IBSP: variants seen among roughly 807,000 people sequenced by gnomAD.
IBSP encodes the protein integrin-binding sialoprotein.
Under a neutral mutation model 25.5 loss-of-function variants are expected in IBSP, and 19 were observed. The observed-to-expected ratio is 0.74, with a 90% CI of 0.52 to 1.09. The LOEUF (loss-of-function observed/expected upper bound fraction) is 1.09. IBSP is among the 50% of genes least tolerant of loss of function. The pLI is 0.00. For synonymous variants in IBSP, 144 were observed against 137.6 expected, an observed-to-expected ratio of 1.05 and a Z score of -0.33; for missense variants, 360 against 382.3, an observed-to-expected ratio of 0.94 and a Z score of 0.49.
chr4:87,811,219 C>T, intron 6 of IBSP, 143 bp from the exon 7 acceptor site: 1 of 901,248 alleles, frequency 1.1e-6, no homozygotes, highest in Non-Finnish European at 1.6e-6. Flanking sequence ...TTAAAGCCCC[C>T]AATCATTTTG....
intron 4 of IBSP, among the ~76,000 whole-genome samples, chr4:87,805,329 A>T (rs1443734072): frequency 6.6e-6 from 1 of 152,230 alleles, no homozygotes; most frequent in African/African-American, 2.4e-5. Flanking sequence ...TCTTTAGCTT[A>T]TAATTATATT....
chr4:87,810,470 C>T, intron 5 of IBSP, 136 bp from the exon 6 acceptor site: 1 of 666,230 alleles, frequency 1.5e-6, no homozygotes, highest in Non-Finnish European at 2.6e-6. Flanking sequence ...GGAAGGCAGG[C>T]TTTGAGTGAT....
At chr4:87,802,468 A>G (rs1722034497) in intron 2 of IBSP, 40 bp from the exon 3 acceptor site, 2 of 1,594,402 alleles carry the variant, frequency 1.3e-6, no homozygotes, top group Middle Eastern at 1.7e-4. Context: ...TTTTTATGTA[A>G]AAGAAAAATT....
At chr4:87,802,060 C>T (rs1003859106) in intron 1 of IBSP, among the ~76,000 whole-genome samples, 8 of 152,124 alleles carry the variant, frequency 5.3e-5, no homozygotes, top group Non-Finnish European at 1.2e-4. Flanking sequence ...CCTAAGTAGT[C>T]AAAATCTCTT....
intron 5 of IBSP, among the ~76,000 whole-genome samples, chr4:87,808,212 C>T (rs533567243): frequency 6.0e-5 from 9 of 149,750 alleles, no homozygotes; most frequent in East Asian, 2.0e-4. Context: ...GACGGAGTCT[C>T]GCTCTGTTTC....
At chr4:87,801,134 T>C (rs925169716) in intron 1 of IBSP, among the ~76,000 whole-genome samples, 2 of 152,164 alleles carry the variant, frequency 1.3e-5, no homozygotes, top group African/African-American at 4.8e-5. Flanking sequence ...TTTTTATGGC[T>C]GCAATCCCCA....
rs745731528 is a variant in IBSP at position 87,811,916 on chromosome 4, C to T, written c.*6C>T. The T allele has an allele frequency of 1.3e-6, 2 of 1,512,792 alleles. No homozygotes were observed. Among genetic ancestry groups the T allele is most frequent in the African/African-American group, 1.4e-5 (1 of 71,552 alleles). The allele number at this position is 1,512,792 out of a possible 1,614,324, so 93.7% of individuals were successfully genotyped here. On this transcript the variant is annotated 3_prime_UTR_variant, in exon 7 of 7. Coordinates refer to ENST00000226284, the MANE Select transcript of IBSP (RefSeq NM_004967.4). Reference sequence around the variant, plus strand: ...ATTACTACCACCACCAGTGAAGCTCCAGCCTGGGATGAATTCATCCATTCT... The same window carrying T: ...ATTACTACCACCACCAGTGAAGCTCTAGCCTGGGATGAATTCATCCATTCT...
rs752926028 is a variant in IBSP at position 87,811,385 on chromosome 4, T to C, written c.429T>C (p.Ala143=). The C allele has an allele frequency of 3.7e-6, 6 of 1,610,296 alleles. No individual in the cohort carries two copies. The highest frequency in any genetic ancestry group is 2.2e-5 in the East Asian group (1 of 44,800). Residue 143 remains alanine (A), a synonymous_variant, in exon 7 of 7, where the codon GCT becomes GCC. Coordinates refer to ENST00000226284, the MANE Select transcript of IBSP (RefSeq NM_004967.4). ...AGGCTGGGGATATAACAAATAAAGC[T>C]ACAAAAGAGAAGGAAAGTGATGAAG... The part of the protein sequence containing the change: ...PKKAGDITNK[A]TKEKESDEEE...
At chr4:87,810,517 A>G (rs1722155697) in intron 5 of IBSP, 89 bp from the exon 6 acceptor site, 4 of 1,071,984 alleles carry the variant, frequency 3.7e-6, no homozygotes, top group Non-Finnish European at 5.6e-6. Flanking sequence ...TCCAAATAAT[A>G]AACCTTCAAT....
intron 1 of IBSP, among the ~76,000 whole-genome samples, chr4:87,800,457 C>T (rs1398800030): frequency 3.3e-5 from 5 of 151,928 alleles, no homozygotes; most frequent in Middle Eastern, 3.2e-3. Flanking sequence ...ATAAATATTC[C>T]GACCCTTCTC....
chr4:87,800,029 G>C (rs1244801356), intron 1 of IBSP, among the ~76,000 whole-genome samples: 1 of 152,112 alleles, frequency 6.6e-6, no homozygotes, highest in African/African-American at 2.4e-5. Flanking sequence ...AAGTACATAT[G>C]TTGTCTTTTC....
At chr4:87,806,889 C>T (rs1722096472) in intron 5 of IBSP, among the ~76,000 whole-genome samples, 1 of 151,976 alleles carries the variant, frequency 6.6e-6, no homozygotes, top group Non-Finnish European at 1.5e-5. Context: ...CCTGTAATTC[C>T]TGTCACTCGG....
chr4:87,811,287 G>A, intron 6 of IBSP, 75 bp from the exon 7 acceptor site: 1 of 1,493,028 alleles, frequency 6.7e-7, no homozygotes, highest in Non-Finnish European at 9.0e-7. Context: ...TCAGTATTGT[G>A]TTGCATGAAA....
chr4:87,800,467 C>T (rs753095299), intron 1 of IBSP, among the ~76,000 whole-genome samples: 13 of 152,278 alleles, frequency 8.5e-5, no homozygotes, highest in Non-Finnish European at 1.8e-4. Flanking sequence ...CGACCCTTCT[C>T]ACAAAGTGGC....
rs1722182250 is a variant in IBSP at position 87,811,830 on chromosome 4, G to A, written c.874G>A (p.Ala292Thr). Reference protein sequence around the residue: ...NGEPRGDNYRAYEDEYSYFKG... With the variant: ...NGEPRGDNYRTYEDEYSYFKG... ...GGAACCTCGTGGGGACAATTACCGA[G>A]CCTATGAAGATGAGTACAGCTACTT... Residue 292 changes from alanine to threonine, a missense_variant, in exon 7 of 7, where the codon GCC (alanine) becomes ACC (threonine). Ala to Thr is a moderately conservative substitution (Grantham distance 58, BLOSUM62 0). Transcript: ENST00000226284. The A allele has an allele frequency of 6.2e-7, 1 of 1,607,076 alleles. No individual in the cohort carries two copies.
chr4:87,809,394 T>A (rs1026188103), intron 5 of IBSP, among the ~76,000 whole-genome samples: 1 of 152,212 alleles, frequency 6.6e-6, no homozygotes, highest in Admixed American at 6.5e-5. Context: ...TATAAGCCAA[T>A]CAGATTTTTC....
chr4:87,812,060 A>G lies in IBSP; in HGVS notation c.*150A>G, dbSNP rs73840124. On this transcript the variant is annotated 3_prime_UTR_variant, in exon 7 of 7. Coordinates refer to ENST00000226284, the MANE Select transcript of IBSP (RefSeq NM_004967.4). ...CAGATTTTCTGTAATTGCTTCTGCA[A>G]AGTAATAGGCTTCTTGTCCCTTTTT... The G allele has an allele frequency of 0.014, 7,759 of 572,222 alleles. 243 individuals are homozygous for G. Among genetic ancestry groups the G allele is most frequent in the African/African-American group, 0.071 (3,679 of 52,076 alleles). The allele number at this position is 572,222 out of a possible 1,614,324, so 35.4% of individuals were successfully genotyped here.
chr4:87,804,342 A>T (rs1722063196), intron 4 of IBSP, among the ~76,000 whole-genome samples: 1 of 152,144 alleles, frequency 6.6e-6, no homozygotes, highest in African/African-American at 2.4e-5. Context: ...ACAAATCTGC[A>T]TTTATATACA....
Position 87,812,223 on chromosome 4 carries a change from T to C in IBSP, c.*313T>C. The stretch of plus-strand genomic sequence containing the variant: ...GTAGTTTTTAACATGCCTGTAGTAT[T>C]GCTAACTGCAAAAACATACTCTTTG... On this transcript the variant is annotated 3_prime_UTR_variant, in exon 7 of 7. Transcript: ENST00000226284. 1 of 264,610 alleles carries C rather than the reference T, an allele frequency of 3.8e-6. No homozygotes were observed. The highest frequency in any genetic ancestry group is 7.0e-6 in the Non-Finnish European group (1 of 142,082). The allele number at this position is 264,610 out of a possible 1,614,324, so 16.4% of individuals were successfully genotyped here.
Sources: allele counts gnomAD v4.1 joint callset (sites outside exome capture counted in the v4.1 genomes callset), GRCh38; gene constraint gnomAD v4.1.1; transcripts MANE v1.5; gene names NCBI Gene and HGNC (gene_info 2026-07-23, HGNC 2026-07-21).